Variants in SLC24A2 observed in about 807,000 individuals in gnomAD.
The protein encoded by SLC24A2 is sodium/potassium/calcium exchanger 2.
A neutral mutation model predicts 62.0 loss-of-function variants in SLC24A2; 36 were observed. The observed-to-expected ratio is 0.58, with a 90% CI of 0.44 to 0.77. SLC24A2 has a LOEUF of 0.77. Ranked by LOEUF, SLC24A2 falls within the 30% of genes least tolerant of loss-of-function variation. The pLI is 0.00. For synonymous variants in SLC24A2, 358 were observed against 294.0 expected, an observed-to-expected ratio of 1.22 and a Z score of -2.23; for missense variants, 846 against 817.9, an observed-to-expected ratio of 1.03 and a Z score of -0.42.
At chr9:20,152,249 C>T in the SLC24A2 span, among the ~76,000 whole-genome samples, 1 of 151,870 alleles carries the variant, frequency 6.6e-6, no homozygotes, top group East Asian at 1.9e-4. Flanking sequence ...GAAGAATCAT[C>T]CAAGAAGCAC....
At chr9:19,532,167 C>A (rs561452915) in intron 8 of SLC24A2, among the ~76,000 whole-genome samples, 2 of 152,310 alleles carry the variant, frequency 1.3e-5, no homozygotes, top group African/African-American at 4.8e-5. Flanking sequence ...ACCATAACCT[C>A]CACCTTGTGG....
chr9:20,298,624 C>T, the SLC24A2 span, among the ~76,000 whole-genome samples: 1 of 152,254 alleles, frequency 6.6e-6, no homozygotes, highest in Non-Finnish European at 1.5e-5. Flanking sequence ...CTCAAATCAT[C>T]ATGTTTCCAA....
chr9:19,542,187 C>G (rs528899663), intron 8 of SLC24A2, among the ~76,000 whole-genome samples: 15 of 152,318 alleles, frequency 9.8e-5, no homozygotes, highest in African/African-American at 3.4e-4. Context: ...ACGCTGGGAG[C>G]TGTAGACCGG....
At chr9:20,153,223 T>C in the SLC24A2 span, among the ~76,000 whole-genome samples, 194 of 152,080 alleles carry the variant, frequency 1.3e-3, no homozygotes, top group African/African-American at 4.1e-3. Context: ...TTTGAAGCTA[T>C]TGACCAGACC....
intron 5 of SLC24A2, among the ~76,000 whole-genome samples, chr9:19,591,105 A>G (rs987620667): frequency 6.6e-6 from 1 of 151,942 alleles, no homozygotes; most frequent in East Asian, 1.9e-4. Context: ...TCTCTTCTCT[A>G]TCAATTAGCT....
rs147612879 is a variant in SLC24A2 at position 19,642,476 on chromosome 9, C to T, written c.931-20177G>A. On this transcript the variant is annotated intron_variant, in intron 2 of 10. Coordinates refer to ENST00000341998, the MANE Select transcript of SLC24A2 (RefSeq NM_020344.4). The stretch of plus-strand genomic sequence containing the variant: ...AGGGCTGACACCAGCTGGCAGTGTA[C>T]AAAAATCACAGGGTCAATTTTCCAA... Among the ~76,000 whole-genome samples the T allele has an allele frequency of 7.2e-3, 1,102 of 152,080 alleles. 11 individuals carry two copies. The highest frequency in any genetic ancestry group is 0.025 in the African/African-American group (1,023 of 41,462).
chr9:20,104,800 A>T, the SLC24A2 span, among the ~76,000 whole-genome samples: 27 of 152,244 alleles, frequency 1.8e-4, no homozygotes, highest in Non-Finnish European at 2.9e-4. Context: ...ACTAACTAGC[A>T]AAATAACCAG....
intron 2 of SLC24A2, among the ~76,000 whole-genome samples, chr9:19,631,132 T>C (rs1181954847): frequency 6.6e-6 from 1 of 152,222 alleles, no homozygotes. Flanking sequence ...TCATTTGATA[T>C]TATTCCACAG....
chr9:20,061,969 C>A, the SLC24A2 span, among the ~76,000 whole-genome samples: 1 of 152,318 alleles, frequency 6.6e-6, no homozygotes, highest in Admixed American at 6.5e-5. Context: ...AGCATGCTGG[C>A]TCACACCTGT....
the SLC24A2 span, among the ~76,000 whole-genome samples, chr9:20,029,993 A>C: frequency 3.2e-4 from 48 of 152,322 alleles, no homozygotes; most frequent in East Asian, 9.1e-3. Context: ...TTGAAATGGC[A>C]TCACAAAATA....
At chr9:20,179,013 G>T in the SLC24A2 span, among the ~76,000 whole-genome samples, 1 of 152,116 alleles carries the variant, frequency 6.6e-6, no homozygotes, top group Admixed American at 6.6e-5. Flanking sequence ...CTTCTTCAAA[G>T]AGTTTGAAAA....
At chr9:19,823,684 G>C in the SLC24A2 span, among the ~76,000 whole-genome samples, 1 of 151,988 alleles carries the variant, frequency 6.6e-6, no homozygotes, top group South Asian at 2.1e-4. Flanking sequence ...CAGGAGTGTT[G>C]AGAGTGGTAT....
At chr9:19,850,986 T>C in the SLC24A2 span, among the ~76,000 whole-genome samples, 766 of 31,660 alleles carry the variant, frequency 0.024, 26 homozygotes, top group African/African-American at 0.042. Context: ...TATATATATG[T>C]ATATATATAT....
the SLC24A2 span, among the ~76,000 whole-genome samples, chr9:19,851,028 T>TATATATA: frequency 3.3e-5 from 2 of 61,298 alleles, no homozygotes; most frequent in Non-Finnish European, 5.8e-5. Flanking sequence ...TATATACATA[T>TATATATA]TTTTTTTTTT....
At chr9:19,900,538 A>AAAT in the SLC24A2 span, among the ~76,000 whole-genome samples, 1 of 152,338 alleles carries the variant, frequency 6.6e-6, no homozygotes, top group East Asian at 1.9e-4. Flanking sequence ...AGGCCTTGGG[A>AAAT]AATTAACATT....
chr9:19,547,358 C>G (rs1048161253), intron 8 of SLC24A2, among the ~76,000 whole-genome samples: 11 of 152,180 alleles, frequency 7.2e-5, no homozygotes, highest in African/African-American at 2.7e-4. Context: ...GCACAGGGAG[C>G]AGTGGACTGG....
intron 2 of SLC24A2, among the ~76,000 whole-genome samples, chr9:19,676,097 C>T (rs554818658): frequency 6.6e-6 from 1 of 152,324 alleles, no homozygotes; most frequent in Admixed American, 6.5e-5. Context: ...AAAATTTTCT[C>T]AGCTCCAAGT....
At chr9:19,600,901 TA>T (rs1392162111) in intron 4 of SLC24A2, among the ~76,000 whole-genome samples, 5 of 152,140 alleles carry the variant, frequency 3.3e-5, no homozygotes, top group Admixed American at 6.6e-5. Context: ...AGAAAAACAA[TA>T]AGCAACCTAG....
At chr9:19,932,037 C>G in the SLC24A2 span, among the ~76,000 whole-genome samples, 5 of 152,186 alleles carry the variant, frequency 3.3e-5, no homozygotes, top group East Asian at 9.6e-4. Flanking sequence ...TGGTCAACAG[C>G]TGAAATTTCT....
Sources: gnomAD v4.1 joint callset for allele counts (sites outside exome capture counted in the v4.1 genomes callset) on GRCh38, gnomAD v4.1.1 for gene constraint, MANE v1.5 for transcripts, NCBI Gene and HGNC (gene_info 2026-07-23, HGNC 2026-07-21) for gene names.